The following PIKFYVE variants were observed in gnomAD, a reference collection of about 807,000 sequenced individuals.
PIKFYVE encodes the protein phosphoinositide kinase, FYVE-type zinc finger containing.
PIKFYVE carries 122 observed loss-of-function variants against 257.9 expected under a neutral mutation model. The ratio of observed to expected loss-of-function variants is 0.47; its 90% CI spans 0.41 to 0.55. PIKFYVE has a LOEUF of 0.55. PIKFYVE is among the 20% of genes least tolerant of loss of function. The pLI, the probability that PIKFYVE is intolerant of heterozygous loss-of-function variation, is 0.00. For synonymous variants in PIKFYVE, 892 were observed against 868.9 expected, an observed-to-expected ratio of 1.03 and a Z score of -0.47; for missense variants, 2,160 against 2,536.6, an observed-to-expected ratio of 0.85 and a Z score of 3.19.
chr2:208,293,747 C>T (rs1692616316), intron 7 of PIKFYVE, among the ~76,000 whole-genome samples: 1 of 151,508 alleles, frequency 6.6e-6, no homozygotes, highest in South Asian at 2.1e-4. Flanking sequence ...AACTCCTGGC[C>T]TCAAGCGATC....
Position 208,304,198 on chromosome 2 carries a change from C to T in PIKFYVE, c.1348C>T (p.Pro450Ser), listed in dbSNP as rs1574530537. The T allele has an allele frequency of 1.2e-6, 2 of 1,614,122 alleles. No homozygotes were observed. The highest frequency in any genetic ancestry group is 1.7e-6 in the Non-Finnish European group (2 of 1,180,004). The part of the protein sequence containing the change: ...QSTEFSETPS[P>S]DSDSVNSVEG... ...TACAGAATTTTCTGAGACGCCTTCTCCCGACAGTGACTCAGTGAACTCCGT... is the reference window on the plus strand; with the variant it reads ...TACAGAATTTTCTGAGACGCCTTCTTCCGACAGTGACTCAGTGAACTCCGT... The change falls in exon 11 of 42, where the codon CCC becomes TCC. Residue 450 changes from proline (P) to serine (S), a missense_variant. Pro to Ser is a moderately conservative substitution (Grantham distance 74). Transcript: ENST00000264380.
chr2:208,293,650 T>C (rs1692599815), intron 7 of PIKFYVE, among the ~76,000 whole-genome samples: 1 of 151,166 alleles, frequency 6.6e-6, no homozygotes, highest in Non-Finnish European at 1.5e-5. Flanking sequence ...GATGTATTTA[T>C]TATCTTTGAT....
intron 4 of PIKFYVE, 121 bp from the exon 5 acceptor site, chr2:208,277,416 T>C: frequency 1.9e-6 from 2 of 1,049,926 alleles, no homozygotes; most frequent in Non-Finnish European, 2.9e-6. Context: ...CCTTTCGTAT[T>C]CCCATATGAA....
At position 208,340,011 on chromosome 2, in the gene PIKFYVE, A is replaced by G; in HGVS notation, c.4811A>G (p.Asp1604Gly). ...ATAAGTAGACTATTTTTCATTTTAG[A>G]TGTGTTTGATGGGCATTTGCTGGGA... Reference protein sequence around the residue: ...PELDTASSSEDVFDGHLLGST... With the variant: ...PELDTASSSEGVFDGHLLGST... The change falls in exon 31 of 42, where the codon GAT becomes GGT. Residue 1604 changes from aspartate to glycine, a missense_variant and splice_region_variant. Physicochemically the swap from Asp to Gly is moderately conservative, Grantham distance 94. Around this residue, in one of 12 missense-constraint regions of PIKFYVE, gnomAD observed 699 missense variants for 855.8 expected, o/e 0.82. Transcript: ENST00000264380. 1 of 1,612,942 alleles carries G rather than the reference A, an allele frequency of 6.2e-7. No homozygotes were observed. Among genetic ancestry groups the G allele is most frequent in the Non-Finnish European group, 8.5e-7 (1 of 1,178,952 alleles).
At chr2:208,342,310 A>C (rs372416415) in intron 31 of PIKFYVE, among the ~76,000 whole-genome samples, 21 of 152,214 alleles carry the variant, frequency 1.4e-4, no homozygotes, top group African/African-American at 5.1e-4. Flanking sequence ...ATTCTTTTTG[A>C]GATTAGTGTG....
At chr2:208,348,681 G>T (rs961710863) in intron 35 of PIKFYVE, among the ~76,000 whole-genome samples, 4 of 149,374 alleles carry the variant, frequency 2.7e-5, no homozygotes, top group African/African-American at 9.9e-5. Context: ...TCAGGAATAG[G>T]CAGACTCTGA....
At chr2:208,331,104 A>G (rs1481107191) in intron 23 of PIKFYVE, among the ~76,000 whole-genome samples, 1 of 152,166 alleles carries the variant, frequency 6.6e-6, no homozygotes, top group Non-Finnish European at 1.5e-5. Flanking sequence ...TAACTGCAGT[A>G]TATTAGGATA....
intron 12 of PIKFYVE, chr2:208,305,629 A>G: frequency 2.6e-6 from 1 of 377,912 alleles, no homozygotes; most frequent in African/African-American, 2.2e-5. Flanking sequence ...TTCAAAAGAT[A>G]TTTGGTGTAA....
intron 5 of PIKFYVE, among the ~76,000 whole-genome samples, chr2:208,284,510 C>T (rs1487717443): frequency 6.6e-6 from 1 of 152,166 alleles, no homozygotes; most frequent in Non-Finnish European, 1.5e-5. Context: ...ATTTATCCGT[C>T]TCAGTCTCCC....
intron 5 of PIKFYVE, among the ~76,000 whole-genome samples, chr2:208,284,615 G>T (rs1280741832): frequency 6.6e-6 from 1 of 151,616 alleles, no homozygotes; most frequent in Non-Finnish European, 1.5e-5. Context: ...ATATTATACT[G>T]CATGTAAGCC....
In PIKFYVE at chr2:208,315,338, G is replaced by T. The variant is rs779367113; in HGVS notation, c.1972G>T (p.Asp658Tyr). The T allele has an allele frequency of 6.2e-7, 1 of 1,614,168 alleles. No individual in the cohort carries two copies. The highest frequency in any genetic ancestry group is 8.5e-7 in the Non-Finnish European group (1 of 1,180,020). Residue 658 changes from aspartate to tyrosine, a missense_variant, in exon 15 of 42, where the codon GAC becomes TAC. Asp to Tyr is a radical substitution (Grantham distance 160, BLOSUM62 -3). Around this residue, in one of 12 missense-constraint regions of PIKFYVE, gnomAD observed 346 missense variants for 365.6 expected, o/e 0.95. Coordinates refer to ENST00000264380, the MANE Select transcript of PIKFYVE (RefSeq NM_015040.4). ...ACCTGATGTCAAGAACCAGGATGAT[G>T]ACATGGATATCCGTCAGTTTGTCCA... ...VRPDVKNQDD[D>Y]MDIRQFVHIK...
rs745981745 is a variant in PIKFYVE at position 208,355,354 on chromosome 2, A to G, written c.*49A>G. 3.5e-6 allele frequency: 5 copies of G among 1,419,680 alleles called. No individual in the cohort carries two copies. The African/African-American group carries it at 4.2e-5, about 12-fold the overall frequency. The allele number at this position is 1,419,680 out of a possible 1,614,324, so 87.9% of individuals were successfully genotyped here. A position where few individuals can be genotyped will look rare whatever the true frequency, so the allele number is the denominator to read the frequency against. The stretch of plus-strand genomic sequence containing the variant: ...GACTGTGAAGGAAAAGGGGACAGGA[A>G]CAAAGGACCAAAAATAAGCTACATG... On this transcript the variant is annotated 3_prime_UTR_variant, in exon 42 of 42. Coordinates refer to ENST00000264380, the MANE Select transcript of PIKFYVE (RefSeq NM_015040.4).
In PIKFYVE at chr2:208,326,498, T is replaced by C; in HGVS notation, c.3618+69T>C. On this transcript the variant is annotated intron_variant, in intron 20 of 41. Transcript: ENST00000264380. ...GTTGAATGACTCCTCAAAGGCAGGC[T>C]AAAAAAATCAGTTTGGCAGACTGCA... The C allele has an allele frequency of 2.0e-6, 3 of 1,525,146 alleles. No homozygotes were observed. In the South Asian group the frequency reaches 3.4e-5, roughly 17 times the overall value. The allele number at this position is 1,525,146 out of a possible 1,614,324, so 94.5% of individuals were successfully genotyped here.
chr2:208,325,106 A>G (rs534579600), intron 19 of PIKFYVE, 69 bp downstream of exon 19: 472 of 1,602,116 alleles, frequency 2.9e-4, no homozygotes, highest in Non-Finnish European at 6.4e-5. Flanking sequence ...ATGTTTACTT[A>G]CTAGGAAATA....
rs571778000 is a variant in PIKFYVE at position 208,288,459 on chromosome 2, A to G, written c.822-270A>G. Among the ~76,000 whole-genome samples, 8 of 152,348 alleles carry G rather than the reference A, an allele frequency of 5.3e-5. No individual in the cohort carries two copies. In the South Asian group the frequency reaches 1.7e-3, roughly 32 times the overall value. On this transcript the variant is annotated intron_variant, in intron 6 of 41. Coordinates refer to ENST00000264380, the MANE Select transcript of PIKFYVE (RefSeq NM_015040.4). The stretch of plus-strand genomic sequence containing the variant: ...TGTATTAATAATGTTAGACGTTTCA[A>G]AGGCACCCATCCAACTAACTTTATT...
intron 32 of PIKFYVE, among the ~76,000 whole-genome samples, chr2:208,343,567 G>A (rs57553077): frequency 0.049 from 7,513 of 152,242 alleles, 391 homozygotes; most frequent in African/African-American, 0.13. Context: ...AGATAGGACA[G>A]TTTTATAATA....
rs200175026 is a variant in PIKFYVE, at chr2:208,271,695, A to G, written c.172+4A>G. 1.6e-5 allele frequency: 26 copies of G among 1,610,078 alleles called. No individual in the cohort carries two copies. The East Asian group carries it at 5.8e-4, about 36-fold the overall frequency. ...AATCTCTTTCGTTTTAACAAAGGTA[A>G]GACTTATTAAAGATAAGAGGTTTGA... On this transcript the variant is annotated splice_donor_region_variant and intron_variant, in intron 2 of 41. Coordinates refer to ENST00000264380, the MANE Select transcript of PIKFYVE (RefSeq NM_015040.4).
At chr2:208,289,406 A>AT (rs148796123) in intron 7 of PIKFYVE, among the ~76,000 whole-genome samples, 7,555 of 151,642 alleles carry the variant, frequency 0.05, 400 homozygotes, top group African/African-American at 0.13. Context: ...TTGCTTTCTC[A>AT]TTTTTTCTTT....
At chr2:208,334,229 T>G in intron 24 of PIKFYVE, 1 of 153,064 alleles carries the variant, frequency 6.5e-6, no homozygotes, top group East Asian at 1.9e-4. Flanking sequence ...GTAGTAGCCT[T>G]AGCAGTCTCC....
Sources: allele counts gnomAD v4.1 joint callset (sites outside exome capture counted in the v4.1 genomes callset), GRCh38; gene constraint gnomAD v4.1.1; regional missense constraint gnomAD v4.1.1; transcripts MANE v1.5; gene names NCBI Gene and HGNC (gene_info 2026-07-23, HGNC 2026-07-21).